Variants in WWOX observed in about 807,000 individuals in gnomAD.
The protein encoded by WWOX is WW domain containing oxidoreductase.
WWOX carries 69 observed loss-of-function variants against 46.2 expected under a neutral mutation model. That is an observed-to-expected ratio of 1.49 (90% CI 1.23 to 1.82). The LOEUF is 1.82. Ranked by LOEUF, WWOX falls within the 40% of genes most tolerant of loss-of-function variation. The pLI, the probability that WWOX is intolerant of heterozygous loss-of-function variation, is 0.00. For synonymous variants in WWOX, 359 were observed against 202.6 expected (o/e 1.77, Z -6.56); for missense variants, 919 against 542.6 (o/e 1.69, Z -6.89).
intron 5 of WWOX, among the ~76,000 whole-genome samples, chr16:78,180,097 C>T (rs2035481239): frequency 6.6e-6 from 1 of 152,220 alleles, no homozygotes; most frequent in African/African-American, 2.4e-5. Context: ...CTCCCCAATT[C>T]ATCATCTACC....
At chr16:78,162,472 A>AATAT (rs10668078) in intron 4 of WWOX, among the ~76,000 whole-genome samples, 19,651 of 150,744 alleles carry the variant, frequency 0.13, 1,508 homozygotes, top group East Asian at 0.21. Flanking sequence ...CACAGACATA[A>AATAT]ATATATATAT....
At chr16:78,757,933 G>C (rs1343830654) in intron 8 of WWOX, among the ~76,000 whole-genome samples, 1 of 151,924 alleles carries the variant, frequency 6.6e-6, no homozygotes, top group African/African-American at 2.4e-5. Flanking sequence ...GGAGATTAGG[G>C]TTTCCAAATA....
At chr16:78,368,700 C>G (rs1057437677) in intron 5 of WWOX, among the ~76,000 whole-genome samples, 4 of 152,234 alleles carry the variant, frequency 2.6e-5, no homozygotes, top group Admixed American at 6.5e-5. Flanking sequence ...TCCCCTCCCC[C>G]CTCTAATGCT....
chr16:79,001,125 C>T (rs572351486), intron 8 of WWOX, among the ~76,000 whole-genome samples: 6 of 152,354 alleles, frequency 3.9e-5, no homozygotes, highest in Non-Finnish European at 7.3e-5. Context: ...ACATATCCCA[C>T]ATCCAGGTGC....
chr16:78,910,877 G>A (rs771966722), intron 8 of WWOX, among the ~76,000 whole-genome samples: 1 of 151,880 alleles, frequency 6.6e-6, no homozygotes, highest in Admixed American at 6.6e-5. Context: ...TTTGGGTGGG[G>A]ACACAGCCAA....
intron 8 of WWOX, among the ~76,000 whole-genome samples, chr16:78,639,522 G>A (rs1462777739): frequency 1.3e-5 from 2 of 151,982 alleles, no homozygotes; most frequent in African/African-American, 2.4e-5. Context: ...GGTGGTGGGT[G>A]GGATGGAGAG....
chr16:78,914,403 A>C, intron 8 of WWOX, among the ~76,000 whole-genome samples: 1 of 152,076 alleles, frequency 6.6e-6, no homozygotes. Flanking sequence ...TGAATGAGGG[A>C]GTGAATGAAT....
At chr16:78,760,369 A>G (rs1459073740) in intron 8 of WWOX, among the ~76,000 whole-genome samples, 6 of 152,226 alleles carry the variant, frequency 3.9e-5, no homozygotes, top group African/African-American at 1.4e-4. Flanking sequence ...GGATGGGGAC[A>G]CAGCCAAACC....
At chr16:79,165,014 T>C (rs983055129) in intron 8 of WWOX, among the ~76,000 whole-genome samples, 3 of 152,176 alleles carry the variant, frequency 2.0e-5, no homozygotes, top group East Asian at 1.9e-4. Flanking sequence ...CCCTTATGTA[T>C]AGACTTTTAA....
intron 8 of WWOX, among the ~76,000 whole-genome samples, chr16:78,524,467 C>G (rs576859172): frequency 6.6e-6 from 1 of 152,132 alleles, no homozygotes; most frequent in East Asian, 1.9e-4. Flanking sequence ...TTTGCCCAAG[C>G]TGGAGTGCAG....
At chr16:78,546,934 C>G (rs746039593) in intron 8 of WWOX, among the ~76,000 whole-genome samples, 5 of 151,790 alleles carry the variant, frequency 3.3e-5, no homozygotes, top group African/African-American at 1.2e-4. Context: ...TCAGATCAGT[C>G]TGGGCAACAT....
At chr16:78,475,750 C>G (rs1226265666) in intron 8 of WWOX, among the ~76,000 whole-genome samples, 1 of 152,106 alleles carries the variant, frequency 6.6e-6, no homozygotes. Context: ...CATGTGCCAC[C>G]ACACCGGCTA....
At chr16:78,628,545 T>G (rs1385021489) in intron 8 of WWOX, among the ~76,000 whole-genome samples, 1 of 152,166 alleles carries the variant, frequency 6.6e-6, no homozygotes, top group African/African-American at 2.4e-5. Context: ...TTCTTCCTTT[T>G]TTTGTATGCC....
intron 8 of WWOX, among the ~76,000 whole-genome samples, chr16:78,512,965 G>C (rs1474552018): frequency 6.6e-6 from 1 of 152,208 alleles, no homozygotes; most frequent in African/African-American, 2.4e-5. Flanking sequence ...TGCATATGCT[G>C]TGGGTCATCA....
intron 8 of WWOX, among the ~76,000 whole-genome samples, chr16:79,190,038 T>C (rs191351537): frequency 6.6e-6 from 1 of 152,172 alleles, no homozygotes; most frequent in African/African-American, 2.4e-5. Context: ...TTAATTATTA[T>C]TATTATTTTT....
intron 8 of WWOX, among the ~76,000 whole-genome samples, chr16:78,808,134 C>A (rs2051091563): frequency 6.6e-6 from 1 of 152,172 alleles, no homozygotes; most frequent in South Asian, 2.1e-4. Flanking sequence ...CTGTAGTCAA[C>A]CCCACTCCTC....
chr16:78,262,056 C>T (rs1044772299), intron 5 of WWOX, among the ~76,000 whole-genome samples: 2 of 134,242 alleles, frequency 1.5e-5, no homozygotes, highest in Non-Finnish European at 3.1e-5. Flanking sequence ...TGCCATTGCG[C>T]TCTGCTCCAG....
intron 8 of WWOX, among the ~76,000 whole-genome samples, chr16:78,528,021 C>T (rs56163755): frequency 0.21 from 11,524 of 55,634 alleles, 860 homozygotes; most frequent in East Asian, 0.32. Context: ...TTTTTTGAGA[C>T]GGAGTCTTGC....
chr16:79,209,551 C>G (rs889760249), intron 8 of WWOX, among the ~76,000 whole-genome samples: 1 of 152,162 alleles, frequency 6.6e-6, no homozygotes, highest in Non-Finnish European at 1.5e-5. Context: ...GAGCTGGATT[C>G]TCCCACCACT....
Sources: allele counts gnomAD v4.1 joint callset (sites outside exome capture counted in the v4.1 genomes callset), GRCh38; gene constraint gnomAD v4.1.1; transcripts MANE v1.5; gene names NCBI Gene and HGNC (gene_info 2026-07-23, HGNC 2026-07-21).